The following CLEC17A variants were observed in gnomAD, a reference collection of about 807,000 sequenced individuals.
CLEC17A encodes the protein C-type lectin domain family 17, member A.
A neutral mutation model predicts 61.3 loss-of-function variants in CLEC17A; 37 were observed. The observed-to-expected ratio is 0.60, with a 90% confidence interval of 0.46 to 0.79. The LOEUF (loss-of-function observed/expected upper bound fraction) is 0.79. Ranked by LOEUF, CLEC17A falls within the 30% of genes least tolerant of loss-of-function variation. The pLI, the probability that CLEC17A is intolerant of heterozygous loss-of-function variation, is 0.00. For missense variants in CLEC17A, 418 were observed against 464.7 expected (o/e 0.90, Z 0.92); for synonymous variants, 168 against 164.9 (o/e 1.02, Z -0.14).
chr19:14,585,209 A>T (rs539139861), intron 2 of CLEC17A, among the ~76,000 whole-genome samples: 39 of 152,322 alleles, frequency 2.6e-4, no homozygotes, highest in Admixed American at 2.2e-3. Flanking sequence ...CTTGCTTGTC[A>T]CCCAGGCTGC....
Position 14,588,201 on chromosome 19 carries a change from G to A in CLEC17A, c.199+510G>A, listed in dbSNP as rs575350919. On this transcript the variant is annotated intron_variant, in intron 3 of 13. Coordinates refer to ENST00000417570, the MANE Select transcript of CLEC17A (RefSeq NM_001204118.2). ...CTGATAAGTGGTTGTTAAAGTGGAG[G>A]TTTGGGCCAGCTGCAGTGGTGTGCA... 3.1e-4 allele frequency among the ~76,000 whole-genome samples: 47 copies of A among 151,828 alleles called. No homozygotes were observed. In the South Asian group the frequency reaches 5.4e-3, roughly 18 times the overall value.
chr19:14,585,033 C>T lies in CLEC17A; in HGVS notation c.121+1599C>T, dbSNP rs1490457008. Among the ~76,000 whole-genome samples the T allele has an allele frequency of 4.6e-5, 7 of 151,694 alleles. No homozygotes were observed. In the East Asian group the frequency reaches 5.9e-4, roughly 13 times the overall value. On this transcript the variant is annotated intron_variant, in intron 2 of 13. Coordinates refer to ENST00000417570, the MANE Select transcript of CLEC17A (RefSeq NM_001204118.2). ...CCTCATCTTCATCCCCATCCTGAAA[C>T]GCAACTGTTTTTGTTTTTTAAAATC...
At chr19:14,602,932 T>A (rs1221105101) in intron 12 of CLEC17A, among the ~76,000 whole-genome samples, 1 of 151,982 alleles carries the variant, frequency 6.6e-6, no homozygotes, top group Non-Finnish European at 1.5e-5. Context: ...ATGGGGTTTC[T>A]CCATGTTGGC....
At position 14,593,290 on chromosome 19, in the gene CLEC17A, C is replaced by T. The variant is rs149187483; in HGVS notation, c.277+932C>T. Among the ~76,000 whole-genome samples, 549 of 136,710 alleles carry T rather than the reference C, an allele frequency of 4.0e-3. 2 individuals are homozygous for T. Among genetic ancestry groups the T allele is most frequent in the African/African-American group, 0.015 (516 of 34,914 alleles). The allele number at this position is 136,710 out of a possible 152,430, so 89.7% of individuals were successfully genotyped here. A position where few individuals can be genotyped will look rare whatever the true frequency, so the allele number is the denominator to read the frequency against. ...ATGAGTTCACTGGAGGCCAGGAGTTCGAGACCAGCTTGGGCAATATATAGC... is the reference window on the plus strand; with the variant it reads ...ATGAGTTCACTGGAGGCCAGGAGTTTGAGACCAGCTTGGGCAATATATAGC... On this transcript the variant is annotated intron_variant, in intron 4 of 13. Coordinates refer to ENST00000417570, the MANE Select transcript of CLEC17A (RefSeq NM_001204118.2).
chr19:14,607,001 G>A lies in CLEC17A; in HGVS notation c.903G>A (p.Val301=). The A allele has an allele frequency of 7.8e-7, 1 of 1,284,038 alleles. No individual in the cohort carries two copies. The highest frequency in any genetic ancestry group is 2.0e-4 in the Middle Eastern group (1 of 4,984). 79.5% of individuals were successfully genotyped at this position (1,284,038 alleles called of 1,614,324 possible). A position where few individuals can be genotyped will look rare whatever the true frequency, so the allele number is the denominator to read the frequency against. ...IINSFAEHNF[V]AKAHGSPRVY... ...GGAATTTTTATTTGCAGAATTTTGT[G>A]GCCAAGGCCCATGGCTCTCCACGGG... Residue 301 remains valine (V), a synonymous_variant, in exon 13 of 14, where the codon GTG becomes GTA. Coordinates refer to ENST00000417570, the MANE Select transcript of CLEC17A (RefSeq NM_001204118.2).
upstream of CLEC17A, among the ~76,000 whole-genome samples, chr19:14,581,631 C>T (rs2074183621): frequency 6.6e-6 from 1 of 151,746 alleles, no homozygotes; most frequent in South Asian, 2.1e-4. Context: ...CGCGCCTGGC[C>T]AGAAATGGAT....
chr19:14,608,782 C>T (rs934346652), intron 13 of CLEC17A, among the ~76,000 whole-genome samples: 13 of 150,334 alleles, frequency 8.6e-5, no homozygotes, highest in African/African-American at 3.2e-4. Flanking sequence ...TACAGGTGCG[C>T]ACCACCATGC....
chr19:14,591,652 C>G (rs1338694213), intron 3 of CLEC17A, among the ~76,000 whole-genome samples: 1 of 151,178 alleles, frequency 6.6e-6, no homozygotes, highest in African/African-American at 2.4e-5. Context: ...CTCCTGAGTT[C>G]AAGTGATTCA....
intron 10 of CLEC17A, among the ~76,000 whole-genome samples, chr19:14,598,370 T>TTTCCTTCCTTCCTTCC: frequency 6.6e-6 from 1 of 151,268 alleles, no homozygotes; most frequent in South Asian, 2.1e-4. Flanking sequence ...TTCCTTCCTT[T>TTTCCTTCCTTCCTTCC]CTTCCTTCCT....
chr19:14,609,558 C>T (rs981007766), intron 13 of CLEC17A, among the ~76,000 whole-genome samples: 2 of 152,150 alleles, frequency 1.3e-5, no homozygotes, highest in African/African-American at 4.8e-5. Context: ...GATTAAGGGG[C>T]CAGGCACGGT....
chr19:14,593,205 A>T (rs1451671440), intron 4 of CLEC17A, among the ~76,000 whole-genome samples: 1 of 151,950 alleles, frequency 6.6e-6, no homozygotes, highest in East Asian at 1.9e-4. Context: ...GGCTGGTTGC[A>T]GTGGTGTGTG....
chr19:14,591,898 A>ATG (rs747656450), intron 3 of CLEC17A, among the ~76,000 whole-genome samples: 7,075 of 138,898 alleles, frequency 0.051, 175 homozygotes, highest in Middle Eastern at 0.094. Flanking sequence ...CCGGAGAAAA[A>ATG]TGTGTGTGTG....
In CLEC17A at chr19:14,592,373, T is replaced by C. The variant is rs1860575278; in HGVS notation, c.277+15T>C. 6.2e-7 allele frequency: 1 copy of C among 1,610,530 alleles called. No individual in the cohort carries two copies. The highest frequency in any genetic ancestry group is 8.5e-7 in the Non-Finnish European group (1 of 1,178,344). On this transcript the variant is annotated intron_variant, in intron 4 of 13. Coordinates refer to ENST00000417570, the MANE Select transcript of CLEC17A (RefSeq NM_001204118.2). ...TCCCAAGCCAGGTAAGAGGACTTTT[T>C]GGAGTGTGACCTGGGGGAATACAGG...
At chr19:14,599,926 C>G (rs1041670114) in intron 11 of CLEC17A, 105 bp from the exon 12 acceptor site, 9 of 1,520,892 alleles carry the variant, frequency 5.9e-6, no homozygotes, top group Admixed American at 1.9e-5. Context: ...GCCCCTCCCC[C>G]TCACCGGAGT....
chr19:14,611,912 G>A lies in CLEC17A; in HGVS notation c.*1716G>A, dbSNP rs906266050. On this transcript the variant is annotated 3_prime_UTR_variant, in exon 14 of 14. Transcript: ENST00000417570. The stretch of plus-strand genomic sequence containing the variant: ...CCAGCTACTCAGGAGACTAAGGCAC[G>A]AGAATTGCTTGAACCCAGGAGGCGG... Among the ~76,000 whole-genome samples the A allele has an allele frequency of 2.0e-5, 3 of 152,130 alleles. No individual in the cohort carries two copies. Among genetic ancestry groups the A allele is most frequent in the African/African-American group, 7.2e-5 (3 of 41,446 alleles).
chr19:14,599,079 C>CTTTTTTTTTTT lies in CLEC17A; in HGVS notation c.647-622_647-612dup, dbSNP rs796835309. ...CAACATACTTGCCTCTGTATCTTTGCTTTTTTTTTTTTTTTTTTTTTTTTT... is the reference window on the plus strand; with the variant it reads ...CAACATACTTGCCTCTGTATCTTTGCTTTTTTTTTTTTTTTTTTTTTTTTTTTTTTTTTTTT... On this transcript the variant is annotated intron_variant, in intron 10 of 13. Coordinates refer to ENST00000417570, the MANE Select transcript of CLEC17A (RefSeq NM_001204118.2). 3.7e-4 allele frequency among the ~76,000 whole-genome samples: 21 copies of CTTTTTTTTTTT among 56,944 alleles called. 5 individuals carry two copies. The highest frequency in any genetic ancestry group is 5.6e-4 in the Non-Finnish European group (17 of 30,502). 37.4% of individuals were successfully genotyped at this position (56,944 alleles called of 152,430 possible).
At chr19:14,586,554 T>A (rs1263680019) in intron 2 of CLEC17A, among the ~76,000 whole-genome samples, 1 of 152,034 alleles carries the variant, frequency 6.6e-6, no homozygotes, top group Non-Finnish European at 1.5e-5. Flanking sequence ...TCCTGATAGC[T>A]GGGACTACTG....
chr19:14,607,150 T>C, intron 13 of CLEC17A, 48 bp downstream of exon 13: 1 of 742,646 alleles, frequency 1.3e-6, no homozygotes, highest in Non-Finnish European at 1.9e-6. Context: ...CTGTGGGCCC[T>C]GACCATGGGG....
rs34295949 is a variant in CLEC17A at position 14,583,363 on chromosome 19, T to TGGA, written c.66_68dup (p.Glu22dup). ...CTTGCCTTTCCCCTGGAAGGGACCA[T>TGGA]GGAGGAGGAGGAGGAGGATGATGAC... On this transcript the variant is annotated inframe_insertion, in exon 2 of 14. Coordinates refer to ENST00000417570, the MANE Select transcript of CLEC17A (RefSeq NM_001204118.2). 0.067 allele frequency: 108,575 copies of TGGA among 1,609,500 alleles called. 3,922 individuals are homozygous for TGGA. Among genetic ancestry groups the TGGA allele is most frequent in the African/African-American group, 0.15 (11,322 of 74,588 alleles).
Sources: gnomAD v4.1 joint callset for allele counts (sites outside exome capture counted in the v4.1 genomes callset) on GRCh38, gnomAD v4.1.1 for gene constraint, MANE v1.5 for transcripts, NCBI Gene and HGNC (gene_info 2026-07-23, HGNC 2026-07-21) for gene names.